Variants in IFI44L observed in about 807,000 individuals in gnomAD.
The protein encoded by IFI44L is interferon-induced protein 44-like.
Under a neutral mutation model 39.3 loss-of-function variants are expected in IFI44L, and 40 were observed. The observed-to-expected ratio is 1.02, with a 90% CI of 0.79 to 1.33. IFI44L has a LOEUF of 1.33. Ranked by LOEUF, IFI44L falls within the 40% of genes most tolerant of loss-of-function variation. IFI44L has a pLI of 0.00. For synonymous variants in IFI44L, 198 were observed against 182.3 expected, an observed-to-expected ratio of 1.09 and a Z score of -0.69; for missense variants, 623 against 549.0, an observed-to-expected ratio of 1.13 and a Z score of -1.35.
chr1:78,634,989 T>C (rs1019713310), intron 4 of IFI44L, among the ~76,000 whole-genome samples: 2 of 112,468 alleles, frequency 1.8e-5, no homozygotes, highest in Non-Finnish European at 3.4e-5. Flanking sequence ...CATACCATTA[T>C]ATATATATAT....
chr1:78,635,182 T>G (rs967019199), intron 4 of IFI44L, among the ~76,000 whole-genome samples, 155 bp from the exon 5 acceptor site: 22 of 152,090 alleles, frequency 1.4e-4, no homozygotes, highest in African/African-American at 4.8e-4. Context: ...ATCTTTGGGA[T>G]TCTCAATAAC....
rs141844756 is a variant in IFI44L at position 78,628,575 on chromosome 1, C to T, written c.478+182C>T. The T allele has an allele frequency of 8.6e-4, 489 of 566,790 alleles. 3 individuals carry two copies. Among genetic ancestry groups the T allele is most frequent in the African/African-American group, 8.0e-3 (426 of 53,000 alleles). The allele number at this position is 566,790 out of a possible 1,614,324, so 35.1% of individuals were successfully genotyped here. Reference sequence around the variant, plus strand: ...AGGATTATGAGGTTTTTATCCAGAACGTATAGGCTGCTTTGAGCAAAGCAA... The same window carrying T: ...AGGATTATGAGGTTTTTATCCAGAATGTATAGGCTGCTTTGAGCAAAGCAA... On this transcript the variant is annotated intron_variant, in intron 2 of 8. Coordinates refer to ENST00000370751, the MANE Select transcript of IFI44L (RefSeq NM_006820.4).
intron 1 of IFI44L, among the ~76,000 whole-genome samples, chr1:78,625,424 A>G (rs576998522): frequency 2.4e-4 from 36 of 152,192 alleles, no homozygotes; most frequent in African/African-American, 8.2e-4. Flanking sequence ...TTAATTTTAC[A>G]AAGTTGTTTA....
At chr1:78,632,720 T>C (rs1175988029) in intron 4 of IFI44L, among the ~76,000 whole-genome samples, 4 of 152,192 alleles carry the variant, frequency 2.6e-5, no homozygotes, top group Admixed American at 2.6e-4. Flanking sequence ...AGAGGCCATA[T>C]TTTCTTCACA....
At chr1:78,635,666 T>A (rs750055844) in intron 5 of IFI44L, 177 bp downstream of exon 5, 2 of 601,756 alleles carry the variant, frequency 3.3e-6, no homozygotes, top group African/African-American at 1.9e-5. Context: ...TATTGTTCTT[T>A]TCTGTAACAT....
intron 4 of IFI44L, among the ~76,000 whole-genome samples, chr1:78,635,077 A>T (rs273255): frequency 0.34 from 51,668 of 150,720 alleles, 9,447 homozygotes; most frequent in East Asian, 0.76. Flanking sequence ...TTACATAGAA[A>T]TTTCTTTTTT....
At chr1:78,636,497 A>G (rs1186124634) in intron 5 of IFI44L, among the ~76,000 whole-genome samples, 1 of 152,126 alleles carries the variant, frequency 6.6e-6, no homozygotes, top group East Asian at 1.9e-4. Flanking sequence ...AATCTTAGAA[A>G]GATTACTGTC....
chr1:78,632,257 C>G (rs150950052), intron 4 of IFI44L, among the ~76,000 whole-genome samples: 427 of 152,258 alleles, frequency 2.8e-3, no homozygotes, highest in African/African-American at 9.7e-3. Flanking sequence ...CAAAAACTGA[C>G]AGTGTTTGTT....
Position 78,643,185 on chromosome 1 carries a change from A to G in IFI44L, c.*1376A>G, listed in dbSNP as rs1647008291. 1 of 135,686 alleles carries G rather than the reference A, an allele frequency of 7.4e-6. No individual in the cohort carries two copies. The highest frequency in any genetic ancestry group is 1.7e-5 in the Non-Finnish European group (1 of 59,198). 8.4% of individuals were successfully genotyped at this position (135,686 alleles called of 1,614,324 possible). ...TATGTCCAGTTATGGAATATTTCCT[A>G]AAGCAAGGCTGCAGGTGAAGTTGTG... On this transcript the variant is annotated 3_prime_UTR_variant, in exon 9 of 9. Transcript: ENST00000370751.
chr1:78,639,732 G>T (rs964343731), intron 6 of IFI44L, among the ~76,000 whole-genome samples: 6 of 152,162 alleles, frequency 3.9e-5, no homozygotes, highest in Non-Finnish European at 7.4e-5. Context: ...TCCAGAACTG[G>T]AAGTACTCTC....
chr1:78,625,703 A>AT (rs1420829458), intron 1 of IFI44L: 1 of 151,480 alleles, frequency 6.6e-6, no homozygotes, highest in Non-Finnish European at 1.5e-5. Context: ...TTTAATTGGT[A>AT]TTTTTTCTGA....
chr1:78,623,578 C>T (rs1232428067), intron 1 of IFI44L, among the ~76,000 whole-genome samples: 1 of 151,588 alleles, frequency 6.6e-6, no homozygotes, highest in Non-Finnish European at 1.5e-5. Context: ...TGGGAGGTGG[C>T]TCATGTGGTG....
In IFI44L at chr1:78,642,211, G is replaced by A. The variant is rs759403450; in HGVS notation, c.*402G>A. On this transcript the variant is annotated 3_prime_UTR_variant, in exon 9 of 9. Coordinates refer to ENST00000370751, the MANE Select transcript of IFI44L (RefSeq NM_006820.4). ...TTGTGAGTTCTTTGAGAAACAGCGT[G>A]GATTTTACTTATCTGTGTATTCACA... 4.9e-6 allele frequency: 1 copy of A among 202,774 alleles called. No individual in the cohort carries two copies. Among genetic ancestry groups the A allele is most frequent in the African/African-American group, 2.3e-5 (1 of 42,618 alleles). 12.6% of individuals were successfully genotyped at this position (202,774 alleles called of 1,614,324 possible).
At chr1:78,623,396 GTTTTTTTTTTTTTT>G (rs71078508) in intron 1 of IFI44L, among the ~76,000 whole-genome samples, 1 of 121,326 alleles carries the variant, frequency 8.2e-6, no homozygotes, top group African/African-American at 3.5e-5. Context: ...AGTGTTTTTT[GTTTTTTTTTTTTTT>G]TTTTTTTTTT....
chr1:78,627,380 A>G (rs576329988), intron 1 of IFI44L: 1 of 152,030 alleles, frequency 6.6e-6, no homozygotes, highest in Admixed American at 6.6e-5. Flanking sequence ...GTTTTTTGCA[A>G]GAATTCCTAG....
chr1:78,628,222 A>ATTGAT lies in IFI44L; in HGVS notation c.307_308insTTGAT (p.Thr103IlefsTer32). ...TGAAATAGAAACTTTACTCTTAAAT[A>ATTGAT]CAGCACCAAAAATTATTGATGAGCA... On this transcript the variant is annotated frameshift_variant, in exon 2 of 9. Coordinates refer to ENST00000370751, the MANE Select transcript of IFI44L (RefSeq NM_006820.4). LOFTEE classifies it high-confidence loss of function. 6.2e-7 allele frequency: 1 copy of ATTGAT among 1,612,874 alleles called. No individual in the cohort carries two copies. The highest frequency in any genetic ancestry group is 8.5e-7 in the Non-Finnish European group (1 of 1,179,466).
chr1:78,637,198 A>G lies in IFI44L; in HGVS notation c.1043A>G (p.Asn348Ser). Reference sequence around the variant, plus strand: ...AAGCAAGTTCACAAAGAAGTATTAAACTGTGGTGAGTCTCACTGAACTTAT... The same window carrying G: ...AAGCAAGTTCACAAAGAAGTATTAAGCTGTGGTGAGTCTCACTGAACTTAT... ...KVKQVHKEVL[N>S]CGIAYVALLT... Residue 348 changes from asparagine to serine, a missense_variant, in exon 6 of 9, where the codon AAC (asparagine) becomes AGC (serine). By Grantham distance (46) the Asn-to-Ser change is conservative (BLOSUM62 1). Coordinates refer to ENST00000370751, the MANE Select transcript of IFI44L (RefSeq NM_006820.4). 1 of 1,600,530 alleles carries G rather than the reference A, an allele frequency of 6.2e-7. No individual in the cohort carries two copies. The highest frequency in any genetic ancestry group is 8.5e-7 in the Non-Finnish European group (1 of 1,175,056).
rs1647021434 is a variant in IFI44L, at chr1:78,644,104, G to T, written c.*2295G>T. 6.6e-6 allele frequency: 1 copy of T among 152,144 alleles called. No homozygotes were observed. Among genetic ancestry groups the T allele is most frequent in the African/African-American group, 2.4e-5 (1 of 41,434 alleles). The allele number at this position is 152,144 out of a possible 1,614,324, so 9.4% of individuals were successfully genotyped here. On this transcript the variant is annotated 3_prime_UTR_variant, in exon 9 of 9. Coordinates refer to ENST00000370751, the MANE Select transcript of IFI44L (RefSeq NM_006820.4). ...AGGGAGAAAACAAGCCATGACCATT[G>T]TTGGTTGGGAGACTGAAGGTGATTG...
chr1:78,629,110 A>G (rs916176621), intron 3 of IFI44L, 111 bp downstream of exon 3: 7 of 741,438 alleles, frequency 9.4e-6, no homozygotes, highest in African/African-American at 3.6e-5. Flanking sequence ...AATGATTAAA[A>G]AAGAGTTATA....
Sources: gnomAD v4.1 joint callset for allele counts (sites outside exome capture counted in the v4.1 genomes callset) on GRCh38, gnomAD v4.1.1 for gene constraint, MANE v1.5 for transcripts, NCBI Gene and HGNC (gene_info 2026-07-23, HGNC 2026-07-21) for gene names.